The following SYT1 variants were observed in gnomAD, a reference collection of about 807,000 sequenced individuals.
SYT1 encodes the protein synaptotagmin 1, also known as synaptotagmin-1.
Under a neutral mutation model 44.8 loss-of-function variants are expected in SYT1, and 8 were observed. That is an observed-to-expected ratio of 0.18 (90% confidence interval 0.10 to 0.32). The LOEUF (loss-of-function observed/expected upper bound fraction) is 0.32, where lower values mean the gene tolerates loss of function less well. Among genes scored for constraint, SYT1 ranks in the 10% least tolerant of loss-of-function variants. The pLI is 1.00. For synonymous variants in SYT1, 154 were observed against 188.8 expected (o/e 0.82, Z 1.51); for missense variants, 286 against 509.3 (o/e 0.56, Z 4.22).
intron 1 of SYT1, among the ~76,000 whole-genome samples, chr12:78,961,429 TC>T (rs1879497808): frequency 6.6e-6 from 1 of 152,088 alleles, no homozygotes. Flanking sequence ...TTTAAATAGT[TC>T]TTACCCTCTT....
chr12:78,875,512 CA>C (rs1232516585), intron 1 of SYT1, among the ~76,000 whole-genome samples: 1 of 151,562 alleles, frequency 6.6e-6, no homozygotes, highest in Non-Finnish European at 1.5e-5. Flanking sequence ...GCACTGGGGT[CA>C]AATGAAGCAA....
intron 8 of SYT1, among the ~76,000 whole-genome samples, chr12:79,313,368 G>A (rs1383721017): frequency 6.6e-6 from 1 of 152,128 alleles, no homozygotes; most frequent in Non-Finnish European, 1.5e-5. Flanking sequence ...GCAGACCAAA[G>A]GTAAATTTCT....
chr12:79,232,276 C>G (rs2138621018), intron 4 of SYT1, among the ~76,000 whole-genome samples: 1 of 152,262 alleles, frequency 6.6e-6, no homozygotes, highest in East Asian at 1.9e-4. Flanking sequence ...CATAATTTTT[C>G]TGGACCTCAA....
chr12:79,188,573 G>T (rs1184604678), intron 3 of SYT1, among the ~76,000 whole-genome samples: 1 of 151,942 alleles, frequency 6.6e-6, no homozygotes, highest in East Asian at 1.9e-4. Context: ...TTTTACAAGG[G>T]TTGACCACAG....
At position 79,373,629 on chromosome 12, in the gene SYT1, A is replaced by G. The variant is rs573343943; in HGVS notation, c.928+20010A>G. On this transcript the variant is annotated intron_variant, in intron 9 of 10. Coordinates refer to ENST00000261205, the MANE Select transcript of SYT1 (RefSeq NM_005639.3). ...AAAAAATGCCTCACAAATGCACAATATTCATAATATTTAATATGAACTTAG... is the reference window on the plus strand; with the variant it reads ...AAAAAATGCCTCACAAATGCACAATGTTCATAATATTTAATATGAACTTAG... 5.3e-5 allele frequency among the ~76,000 whole-genome samples: 8 copies of G among 152,332 alleles called. No individual in the cohort carries two copies. The East Asian group carries it at 9.6e-4, about 18-fold the overall frequency.
chr12:79,098,851 C>T (rs1290449253), intron 3 of SYT1, among the ~76,000 whole-genome samples: 3 of 152,234 alleles, frequency 2.0e-5, no homozygotes, highest in South Asian at 2.1e-4. Flanking sequence ...TGCCTCTCCA[C>T]GTGCCATTTT....
intron 8 of SYT1, 89 bp from the exon 9 acceptor site, chr12:79,353,413 C>A: frequency 9.9e-7 from 1 of 1,005,034 alleles, no homozygotes; most frequent in African/African-American, 1.6e-5. Context: ...CAACATAATC[C>A]TCCTCTTGAA....
rs904194419 is a variant in SYT1 at position 78,910,866 on chromosome 12, A to G, written c.-217+45757A>G. 2.0e-5 allele frequency among the ~76,000 whole-genome samples: 3 copies of G among 151,990 alleles called. No homozygotes were observed. The Admixed American group carries it at 2.0e-4, about 10-fold the overall frequency. ...ATAACCTAGATAATGTGCATGGGAAAGAGAATCCAGGCAAATTATTGAGAG... is the reference window on the plus strand; with the variant it reads ...ATAACCTAGATAATGTGCATGGGAAGGAGAATCCAGGCAAATTATTGAGAG... On this transcript the variant is annotated intron_variant, in intron 1 of 10. Transcript: ENST00000261205.
chr12:78,924,742 G>T (rs144617066), intron 1 of SYT1, among the ~76,000 whole-genome samples: 29 of 150,478 alleles, frequency 1.9e-4, no homozygotes, highest in African/African-American at 6.1e-4. Context: ...TAGCTTCTAC[G>T]TCCTTTTGAT....
At chr12:78,911,646 G>C in intron 1 of SYT1, among the ~76,000 whole-genome samples, 1 of 151,900 alleles carries the variant, frequency 6.6e-6, no homozygotes, top group East Asian at 1.9e-4. Context: ...AGTCTTTCGG[G>C]ATCCCAGCAA....
In SYT1 at chr12:79,232,947, C is replaced by T. The variant is rs144741555; in HGVS notation, c.166+15262C>T. ...GAACCATTCTGCCATGCCCTCTACC[C>T]CACTCTACTTTACAATACATCTTTG... is the stretch of plus-strand genomic sequence containing the variant. On this transcript the variant is annotated intron_variant, in intron 4 of 10. Transcript: ENST00000261205. Among the ~76,000 whole-genome samples, 192 of 152,282 alleles carry T rather than the reference C, an allele frequency of 1.3e-3. 2 individuals carry two copies. Among genetic ancestry groups the T allele is most frequent in the African/African-American group, 4.3e-3 (179 of 41,562 alleles).
intron 9 of SYT1, among the ~76,000 whole-genome samples, chr12:79,365,190 C>T (rs906523370): frequency 1.3e-5 from 2 of 152,012 alleles, no homozygotes; most frequent in Admixed American, 6.5e-5. Context: ...CATATATATA[C>T]AAATATATAT....
intron 3 of SYT1, among the ~76,000 whole-genome samples, chr12:79,170,961 T>A (rs1871483060): frequency 6.6e-6 from 1 of 152,092 alleles, no homozygotes; most frequent in African/African-American, 2.4e-5. Context: ...CCTTTCCCCA[T>A]TGCTTGTTTT....
intron 8 of SYT1, among the ~76,000 whole-genome samples, chr12:79,300,505 C>G (rs997054605): frequency 3.3e-5 from 5 of 151,982 alleles, no homozygotes; most frequent in Non-Finnish European, 5.9e-5. Context: ...AGTCCATCAC[C>G]TGGGAATCCT....
At chr12:79,026,667 T>TATATATA (rs1555190335) in intron 2 of SYT1, among the ~76,000 whole-genome samples, 10 of 102,258 alleles carry the variant, frequency 9.8e-5, no homozygotes, top group East Asian at 2.8e-4. Context: ...CATATATATT[T>TATATATA]TATATATATA....
intron 2 of SYT1, among the ~76,000 whole-genome samples, chr12:79,013,749 T>C (rs1871584328): frequency 6.6e-6 from 1 of 152,166 alleles, no homozygotes; most frequent in South Asian, 2.1e-4. Flanking sequence ...ATGTAAAGGC[T>C]AAGAGAAAAC....
chr12:78,942,379 C>A (rs543662782), intron 1 of SYT1, among the ~76,000 whole-genome samples: 5 of 152,166 alleles, frequency 3.3e-5, no homozygotes, highest in African/African-American at 1.2e-4. Flanking sequence ...ATAACTAATC[C>A]AACGATTCTC....
intron 9 of SYT1, among the ~76,000 whole-genome samples, chr12:79,362,623 C>T (rs1490209800): frequency 2.0e-5 from 3 of 151,896 alleles, no homozygotes; most frequent in Admixed American, 6.6e-5. Context: ...ATGAAGGGGC[C>T]GTGTGTGAGG....
intron 3 of SYT1, among the ~76,000 whole-genome samples, chr12:79,181,851 A>C (rs1438439913): frequency 6.6e-6 from 1 of 151,950 alleles, no homozygotes; most frequent in Non-Finnish European, 1.5e-5. Flanking sequence ...CAATTCTATC[A>C]TCCCTTTTCC....
Sources: gnomAD v4.1 joint callset for allele counts (sites outside exome capture counted in the v4.1 genomes callset) on GRCh38, gnomAD v4.1.1 for gene constraint, MANE v1.5 for transcripts, NCBI Gene and HGNC (gene_info 2026-07-23, HGNC 2026-07-21) for gene names.